The following SMOC1 variants were observed in gnomAD, a reference collection of about 807,000 sequenced individuals.
SMOC1 encodes SPARC related modular calcium binding 1.
A neutral mutation model predicts 56.3 loss-of-function variants in SMOC1; 22 were observed. The observed-to-expected ratio is 0.39, with a 90% confidence interval of 0.28 to 0.56. The LOEUF (loss-of-function observed/expected upper bound fraction) is 0.56, where lower values mean the gene tolerates loss of function less well. Ranked by LOEUF, SMOC1 falls within the 20% of genes least tolerant of loss-of-function variation. SMOC1 has a pLI of 0.61. For synonymous variants in SMOC1, 193 were observed against 215.0 expected, an observed-to-expected ratio of 0.90 and a Z score of 0.89; for missense variants, 509 against 565.4, an observed-to-expected ratio of 0.90 and a Z score of 1.01.
chr14:69,963,094 C>T (rs1006630647), intron 3 of SMOC1, among the ~76,000 whole-genome samples: 3 of 152,122 alleles, frequency 2.0e-5, no homozygotes, highest in Admixed American at 2.0e-4. Context: ...ATGCCAGTGC[C>T]ACACTCTACT....
chr14:69,986,843 G>A (rs368000322), intron 5 of SMOC1, among the ~76,000 whole-genome samples: 3 of 152,156 alleles, frequency 2.0e-5, no homozygotes, highest in East Asian at 1.9e-4. Context: ...GTAGGTATAC[G>A]GAATATAAAA....
At chr14:69,958,255 T>TA (rs1883259077) in intron 3 of SMOC1, among the ~76,000 whole-genome samples, 1 of 152,074 alleles carries the variant, frequency 6.6e-6, no homozygotes, top group African/African-American at 2.4e-5. Context: ...CTGGATAACA[T>TA]AGTGAGACCC....
intron 1 of SMOC1, among the ~76,000 whole-genome samples, chr14:69,946,054 G>C (rs1882772821): frequency 6.6e-6 from 1 of 152,232 alleles, no homozygotes; most frequent in African/African-American, 2.4e-5. Flanking sequence ...CCTTAGGCTG[G>C]CTCTTTTATT....
chr14:70,025,613 G>C (rs972426817), intron 11 of SMOC1, among the ~76,000 whole-genome samples: 1 of 152,150 alleles, frequency 6.6e-6, no homozygotes, highest in South Asian at 2.1e-4. Context: ...TGAAATGCTT[G>C]GGACCAGAAG....
intron 11 of SMOC1, among the ~76,000 whole-genome samples, chr14:70,029,931 G>C (rs1015605098): frequency 2.6e-5 from 4 of 152,196 alleles, no homozygotes; most frequent in Non-Finnish European, 5.9e-5. Context: ...AGTGTGATCT[G>C]AACAGAGTGC....
intron 7 of SMOC1, among the ~76,000 whole-genome samples, chr14:70,006,368 T>C (rs948431263): frequency 3.3e-5 from 5 of 152,194 alleles, no homozygotes; most frequent in African/African-American, 1.2e-4. Flanking sequence ...TGTTATTCAT[T>C]TTAGAGTTCT....
At chr14:69,894,880 C>G (rs1240109210) in intron 1 of SMOC1, among the ~76,000 whole-genome samples, 1 of 152,128 alleles carries the variant, frequency 6.6e-6, no homozygotes, top group Non-Finnish European at 1.5e-5. Context: ...TTCCAGAAAG[C>G]CCAAAATAAG....
intron 1 of SMOC1, among the ~76,000 whole-genome samples, chr14:69,947,360 G>A (rs1882822795): frequency 6.6e-6 from 1 of 152,016 alleles, no homozygotes; most frequent in African/African-American, 2.4e-5. Context: ...TGTAGAGACA[G>A]TGTCTCTCTC....
chr14:69,942,948 C>T (rs117190277), intron 1 of SMOC1, among the ~76,000 whole-genome samples: 8 of 152,278 alleles, frequency 5.3e-5, no homozygotes, highest in Non-Finnish European at 1.2e-4. Context: ...TACACAGTGG[C>T]ACCTGGTGTA....
Position 69,961,280 on chromosome 14 carries a change from A to G in SMOC1, c.378+7748A>G, listed in dbSNP as rs1338771757. ...AAGCAATATTCTATTGTGTATATAT[A>G]TATATATATATATATATATATATAT... On this transcript the variant is annotated intron_variant, in intron 3 of 11. Transcript: ENST00000361956. 6.1e-3 allele frequency among the ~76,000 whole-genome samples: 348 copies of G among 57,362 alleles called. 13 individuals carry two copies. The highest frequency in any genetic ancestry group is 0.011 in the African/African-American group (251 of 21,886). The allele number at this position is 57,362 out of a possible 152,430, so 37.6% of individuals were successfully genotyped here. A position where few individuals can be genotyped will look rare whatever the true frequency, so the allele number is the denominator to read the frequency against.
chr14:69,972,004 A>G (rs553007374), intron 3 of SMOC1, among the ~76,000 whole-genome samples: 2 of 152,310 alleles, frequency 1.3e-5, no homozygotes, highest in Admixed American at 1.3e-4. Context: ...AATAGCTGAA[A>G]GTTAACTGGG....
chr14:69,968,886 C>A (rs1057289179), intron 3 of SMOC1, among the ~76,000 whole-genome samples: 2 of 152,198 alleles, frequency 1.3e-5, no homozygotes, highest in African/African-American at 2.4e-5. Flanking sequence ...AAAAGAAGCA[C>A]AAAGAGACAG....
chr14:69,977,797 T>A, intron 4 of SMOC1, 121 bp from the exon 5 acceptor site: 1 of 794,052 alleles, frequency 1.3e-6, no homozygotes, highest in Non-Finnish European at 2.3e-6. Flanking sequence ...TCCTTAGATG[T>A]GTATACAATA....
rs535419357 is a variant in SMOC1 at position 70,025,988 on chromosome 14, G to A, written c.1291+2541G>A. ...TCTTTGTAAGATGAACTTACACTGT[G>A]TTGCAGTTTACTCTTCCGATTACCC... is the stretch of plus-strand genomic sequence containing the variant. On this transcript the variant is annotated intron_variant, in intron 11 of 11. Coordinates refer to ENST00000361956, the MANE Select transcript of SMOC1 (RefSeq NM_001034852.3). 8.5e-5 allele frequency among the ~76,000 whole-genome samples: 13 copies of A among 152,310 alleles called. No homozygotes were observed. The East Asian group carries it at 2.1e-3, about 25-fold the overall frequency.
intron 1 of SMOC1, among the ~76,000 whole-genome samples, chr14:69,897,756 G>T (rs1434729758): frequency 1.3e-5 from 2 of 152,020 alleles, no homozygotes; most frequent in African/African-American, 4.8e-5. Context: ...TTATATGTAA[G>T]CTATACTCAT....
chr14:69,972,509 A>T (rs1883799915), intron 3 of SMOC1, among the ~76,000 whole-genome samples: 1 of 152,128 alleles, frequency 6.6e-6, no homozygotes, highest in South Asian at 2.1e-4. Flanking sequence ...ATTTGATTTC[A>T]GTTTTATAGG....
In SMOC1 at chr14:69,971,601, T is replaced by C. The variant is rs920871926; in HGVS notation, c.379-4114T>C. Among the ~76,000 whole-genome samples the C allele has an allele frequency of 3.3e-5, 5 of 152,206 alleles. No homozygotes were observed. In the East Asian group the frequency reaches 9.6e-4, roughly 29 times the overall value. On this transcript the variant is annotated intron_variant, in intron 3 of 11. Coordinates refer to ENST00000361956, the MANE Select transcript of SMOC1 (RefSeq NM_001034852.3). ...GCCCTGGGTTTTCTGAGATTAAGTC[T>C]AAAAGTTGACCAACTTGAGGCTCTT...
intron 1 of SMOC1, among the ~76,000 whole-genome samples, chr14:69,911,772 G>T (rs1411281796): frequency 6.6e-6 from 1 of 152,196 alleles, no homozygotes; most frequent in African/African-American, 2.4e-5. Flanking sequence ...CATTTGGGTT[G>T]TTTCCAGTTT....
At position 70,025,539 on chromosome 14, in the gene SMOC1, G is replaced by T. The variant is rs576561802; in HGVS notation, c.1291+2092G>T. ...TCCAGGACTCAGCAATGAGTCAATGGTTCAAACCCTGCCTCTGTCCCGGCC... is the reference window on the plus strand; with the variant it reads ...TCCAGGACTCAGCAATGAGTCAATGTTTCAAACCCTGCCTCTGTCCCGGCC... On this transcript the variant is annotated intron_variant, in intron 11 of 11. Coordinates refer to ENST00000361956, the MANE Select transcript of SMOC1 (RefSeq NM_001034852.3). Among the ~76,000 whole-genome samples, 11 of 152,288 alleles carry T rather than the reference G, an allele frequency of 7.2e-5. No individual in the cohort carries two copies. In the East Asian group the frequency reaches 1.4e-3, roughly 19 times the overall value.
Sources: gnomAD v4.1 joint callset for allele counts (sites outside exome capture counted in the v4.1 genomes callset) on GRCh38, gnomAD v4.1.1 for gene constraint, MANE v1.5 for transcripts, NCBI Gene and HGNC (gene_info 2026-07-23, HGNC 2026-07-21) for gene names.